Variants in FMNL2 observed in about 807,000 individuals in gnomAD.
The protein encoded by FMNL2 is formin-like protein 2.
FMNL2 carries 51 observed loss-of-function variants against 130.2 expected under a neutral mutation model. The ratio of observed to expected loss-of-function variants is 0.39; its 90% CI spans 0.31 to 0.49. The LOEUF is 0.49. FMNL2 is among the 20% of genes least tolerant of loss of function. The pLI is 0.85. For synonymous variants in FMNL2, 465 were observed against 467.1 expected (o/e 1.00, Z 0.06); for missense variants, 977 against 1,316.2 (o/e 0.74, Z 3.99).
intron 3 of FMNL2, among the ~76,000 whole-genome samples, chr2:152,543,379 G>C (rs1016990851): frequency 2.0e-5 from 3 of 151,720 alleles, no homozygotes; most frequent in Non-Finnish European, 4.4e-5. Flanking sequence ...CCACACAATT[G>C]GTTTAAACTG....
intron 1 of FMNL2, among the ~76,000 whole-genome samples, chr2:152,439,079 T>TTGTG (rs10539703): frequency 0.026 from 3,789 of 144,544 alleles, 115 homozygotes; most frequent in African/African-American, 0.069. Context: ...TTCAGTTTAA[T>TTGTG]TGTGTGTGTG....
intron 6 of FMNL2, among the ~76,000 whole-genome samples, chr2:152,573,150 T>G (rs1416467770): frequency 6.6e-6 from 1 of 152,150 alleles, no homozygotes; most frequent in Non-Finnish European, 1.5e-5. Context: ...AGAATAAAGA[T>G]TTAAAAAGAG....
chr2:152,557,023 C>T (rs763380739), intron 4 of FMNL2, among the ~76,000 whole-genome samples: 4 of 152,088 alleles, frequency 2.6e-5, no homozygotes, highest in Non-Finnish European at 5.9e-5. Context: ...ATTTTCTAAT[C>T]ATCAGATTTT....
chr2:152,523,100 T>G (rs1693186404), intron 2 of FMNL2, among the ~76,000 whole-genome samples: 1 of 152,228 alleles, frequency 6.6e-6, no homozygotes, highest in South Asian at 2.1e-4. Flanking sequence ...ATGGATATAG[T>G]ATATGTTATT....
intron 1 of FMNL2, among the ~76,000 whole-genome samples, chr2:152,382,774 C>A (rs960869811): frequency 4.6e-5 from 7 of 152,018 alleles, no homozygotes; most frequent in Non-Finnish European, 8.8e-5. Context: ...ATATATAATT[C>A]TTGTCAGTCA....
At chr2:152,506,299 A>G (rs1260816829) in intron 1 of FMNL2, among the ~76,000 whole-genome samples, 1 of 152,144 alleles carries the variant, frequency 6.6e-6, no homozygotes, top group East Asian at 1.9e-4. Flanking sequence ...GTATCTATGG[A>G]GGACTGATTC....
intron 1 of FMNL2, among the ~76,000 whole-genome samples, chr2:152,350,107 G>A (rs1017438879): frequency 4.6e-5 from 7 of 152,316 alleles, no homozygotes; most frequent in African/African-American, 1.7e-4. Flanking sequence ...AATAAAATGG[G>A]ATATGTGAAG....
At chr2:152,627,611 T>A (rs1210064633) in intron 17 of FMNL2, among the ~76,000 whole-genome samples, 2 of 152,226 alleles carry the variant, frequency 1.3e-5, no homozygotes, top group Non-Finnish European at 2.9e-5. Context: ...TAAATCTTTA[T>A]ATATCTTGTT....
chr2:152,479,715 GTTGTT>G (rs1037629516), intron 1 of FMNL2, among the ~76,000 whole-genome samples: 8 of 117,988 alleles, frequency 6.8e-5, no homozygotes, highest in African/African-American at 2.6e-4. Flanking sequence ...GATGTTGTGG[GTTGTT>G]TTTTTTTTTT....
rs369203005 is a variant in FMNL2 at position 152,432,453 on chromosome 2, A to G, written c.118-89490A>G. On this transcript the variant is annotated intron_variant, in intron 1 of 25. Transcript: ENST00000288670. ...TCTAAAGATGCACCAGGAAACACAC[A>G]TGCATGCACACACACACCCTAGTGA... is the stretch of plus-strand genomic sequence containing the variant. Among the ~76,000 whole-genome samples, 20 of 152,318 alleles carry G rather than the reference A, an allele frequency of 1.3e-4. 1 individual carries two copies. In the South Asian group the frequency reaches 2.3e-3, roughly 17 times the overall value.
chr2:152,466,229 C>T (rs981986184), intron 1 of FMNL2, among the ~76,000 whole-genome samples: 3 of 152,194 alleles, frequency 2.0e-5, no homozygotes, highest in Non-Finnish European at 2.9e-5. Context: ...CCGGACACCA[C>T]GTGTGCCCTC....
intron 1 of FMNL2, among the ~76,000 whole-genome samples, chr2:152,507,359 T>C (rs550476855): frequency 3.3e-4 from 51 of 152,332 alleles, no homozygotes; most frequent in Admixed American, 1.5e-3. Context: ...ACCCCTCCCT[T>C]CTTTGAATTA....
At position 152,649,709 on chromosome 2, in the gene FMNL2, T is replaced by TTTGTC. The variant is rs1453094525; in HGVS notation, c.*1806_*1810dup. ...GACAACGTTGGCATGTTCTTTTCTG[T>TTTGTC]TTGTCTATTAATGGGCCTGCTTCTT... On this transcript the variant is annotated 3_prime_UTR_variant, in exon 26 of 26. Coordinates refer to ENST00000288670, the MANE Select transcript of FMNL2 (RefSeq NM_052905.4). 6.6e-6 allele frequency: 1 copy of TTTGTC among 152,662 alleles called. No homozygotes were observed. The highest frequency in any genetic ancestry group is 1.5e-5 in the Non-Finnish European group (1 of 68,038). The allele number at this position is 152,662 out of a possible 1,614,324, so 9.5% of individuals were successfully genotyped here.
At chr2:152,520,424 G>A (rs556732282) in intron 1 of FMNL2, among the ~76,000 whole-genome samples, 98 of 151,948 alleles carry the variant, frequency 6.4e-4, no homozygotes, top group African/African-American at 2.1e-3. Context: ...GTGAAACCCC[G>A]TCTCTATTAA....
At chr2:152,424,564 T>C (rs981053805) in intron 1 of FMNL2, among the ~76,000 whole-genome samples, 4 of 152,102 alleles carry the variant, frequency 2.6e-5, no homozygotes, top group African/African-American at 9.7e-5. Flanking sequence ...CTAATTTTTA[T>C]ATTTTTAACA....
At chr2:152,361,690 A>T (rs1435921917) in intron 1 of FMNL2, among the ~76,000 whole-genome samples, 2 of 152,154 alleles carry the variant, frequency 1.3e-5, no homozygotes, top group African/African-American at 4.8e-5. Context: ...GTTTTAATCC[A>T]GCTTTGCCAG....
At chr2:152,633,943 ACT>A (rs2105942428) in intron 21 of FMNL2, among the ~76,000 whole-genome samples, 1 of 152,142 alleles carries the variant, frequency 6.6e-6, no homozygotes, top group South Asian at 2.1e-4. Context: ...TCATGTGTTC[ACT>A]CACTCCTTCA....
chr2:152,358,125 CTT>C (rs1211725950), intron 1 of FMNL2, among the ~76,000 whole-genome samples: 1 of 152,112 alleles, frequency 6.6e-6, no homozygotes, highest in East Asian at 1.9e-4. Context: ...TCATCTTTCT[CTT>C]GTGCCCAATG....
intron 1 of FMNL2, among the ~76,000 whole-genome samples, chr2:152,361,041 T>C (rs1247628174): frequency 6.6e-6 from 1 of 152,194 alleles, no homozygotes; most frequent in African/African-American, 2.4e-5. Context: ...TGGGGAATAA[T>C]TAAGACTCAA....
Sources: gnomAD v4.1 joint callset for allele counts (sites outside exome capture counted in the v4.1 genomes callset) on GRCh38, gnomAD v4.1.1 for gene constraint, MANE v1.5 for transcripts, NCBI Gene and HGNC (gene_info 2026-07-23, HGNC 2026-07-21) for gene names.